The following DAB1 variants were observed in gnomAD, a reference collection of about 807,000 sequenced individuals.
DAB1 encodes the protein DAB adaptor protein 1.
Under a neutral mutation model 64.6 loss-of-function variants are expected in DAB1, and 15 were observed. The observed-to-expected ratio is 0.23, with a 90% CI of 0.16 to 0.36. The LOEUF (loss-of-function observed/expected upper bound fraction) is 0.36. Ranked by LOEUF, DAB1 falls within the 10% of genes least tolerant of loss-of-function variation. The pLI is 1.00. For missense variants in DAB1, 596 were observed against 706.7 expected, an observed-to-expected ratio of 0.84 and a Z score of 1.78; for synonymous variants, 235 against 251.9, an observed-to-expected ratio of 0.93 and a Z score of 0.64.
At chr1:57,317,086 C>T (rs1296544384) in intron 1 of DAB1, among the ~76,000 whole-genome samples, 1 of 152,192 alleles carries the variant, frequency 6.6e-6, no homozygotes, top group African/African-American at 2.4e-5. Context: ...CTGATGGAAG[C>T]CAGCTGCCAT....
Position 58,389,019 on chromosome 1 carries a change from C to T in DAB1, n.258-45616G>A, listed in dbSNP as rs1490919150. On this transcript the variant is annotated intron_variant and non_coding_transcript_variant, in intron 3 of 20. Coordinates refer to the DAB1 transcript ENST00000485760. ...AAGCAGGCAACAAACATTGATAGTG[C>T]TTTCAGTAGGGGCAGAGGACAGCCT... Among the ~76,000 whole-genome samples the T allele has an allele frequency of 2.6e-5, 4 of 152,310 alleles. No homozygotes were observed. The East Asian group carries it at 7.7e-4, about 29-fold the overall frequency.
chr1:57,401,620 TCACA>T (rs1319517651), intron 1 of DAB1, among the ~76,000 whole-genome samples: 1 of 152,200 alleles, frequency 6.6e-6, no homozygotes, highest in Admixed American at 6.5e-5. Flanking sequence ...ATGCATAAAA[TCACA>T]CAGTGAGCAG....
chr1:58,541,650 A>G (rs112704917), intron 1 of DAB1: 1 of 144,242 alleles, frequency 6.9e-6, no homozygotes. Context: ...AACCAAAAAC[A>G]AAAAACAAAA....
chr1:57,929,206 A>T (rs527457599), intron 5 of DAB1, among the ~76,000 whole-genome samples: 1 of 152,168 alleles, frequency 6.6e-6, no homozygotes, highest in Non-Finnish European at 1.5e-5. Context: ...CCATCTTTAC[A>T]TATGTGTATT....
At position 57,142,598 on chromosome 1, in the gene DAB1, TCA is replaced by T. The variant is rs149545090; in HGVS notation, c.207+2690_207+2691del. Among the ~76,000 whole-genome samples, 691 of 142,784 alleles carry T rather than the reference TCA, an allele frequency of 4.8e-3. 3 individuals are homozygous for T. Among genetic ancestry groups the T allele is most frequent in the East Asian group, 0.012 (57 of 4,764 alleles). The allele number at this position is 142,784 out of a possible 152,430, so 93.7% of individuals were successfully genotyped here. A position where few individuals can be genotyped will look rare whatever the true frequency, so the allele number is the denominator to read the frequency against. On this transcript the variant is annotated intron_variant, in intron 3 of 14. Transcript: ENST00000371236. ...GACAGATGGAGCACTTCACTGCAGG[TCA>T]CACACACACACACACACACACACAC...
chr1:57,792,668 G>A (rs1291539786), intron 6 of DAB1, among the ~76,000 whole-genome samples: 2 of 152,120 alleles, frequency 1.3e-5, no homozygotes, highest in Non-Finnish European at 2.9e-5. Context: ...CTATTCTCCT[G>A]AAACCTTATT....
downstream of DAB1, among the ~76,000 whole-genome samples, chr1:57,821,931 C>T (rs376999571): frequency 1.3e-5 from 2 of 152,158 alleles, no homozygotes; most frequent in Non-Finnish European, 2.9e-5. Flanking sequence ...TAAATTTTCA[C>T]AATTTCTGTG....
intron 5 of DAB1, among the ~76,000 whole-genome samples, chr1:57,961,571 G>C (rs1280718394): frequency 6.6e-6 from 1 of 152,166 alleles, no homozygotes; most frequent in Non-Finnish European, 1.5e-5. Context: ...ATTTATGAGG[G>C]TTGAAATGAC....
chr1:57,711,501 G>A (rs1449961780), intron 6 of DAB1, among the ~76,000 whole-genome samples: 1 of 152,224 alleles, frequency 6.6e-6, no homozygotes, highest in African/African-American at 2.4e-5. Context: ...GAGTGAAACT[G>A]CTGCTTTGCA....
At chr1:57,508,208 T>A (rs975467548) in intron 7 of DAB1, among the ~76,000 whole-genome samples, 2 of 152,206 alleles carry the variant, frequency 1.3e-5, no homozygotes, top group African/African-American at 4.8e-5. Flanking sequence ...TGGCTCCAGA[T>A]CTGCTTCAAC....
At chr1:57,232,517 C>T (rs965167940) in intron 2 of DAB1, among the ~76,000 whole-genome samples, 4 of 152,102 alleles carry the variant, frequency 2.6e-5, no homozygotes, top group Admixed American at 1.3e-4. Context: ...ATGAAACTTA[C>T]GTTCTCTAAC....
intron 5 of DAB1, among the ~76,000 whole-genome samples, chr1:57,983,551 C>A (rs960001328): frequency 4.6e-5 from 7 of 152,110 alleles, no homozygotes; most frequent in African/African-American, 9.7e-5. Flanking sequence ...GAAGCAAAAG[C>A]AAACTGAGGT....
intron 1 of DAB1, among the ~76,000 whole-genome samples, chr1:57,354,534 G>A (rs1678902760): frequency 6.6e-6 from 1 of 152,092 alleles, no homozygotes; most frequent in Admixed American, 6.6e-5. Flanking sequence ...TGGGTTGAGG[G>A]TGGGGGGTTA....
At chr1:58,289,944 G>A (rs1249994640) in intron 4 of DAB1, among the ~76,000 whole-genome samples, 1 of 152,164 alleles carries the variant, frequency 6.6e-6, no homozygotes, top group Non-Finnish European at 1.5e-5. Flanking sequence ...CAGCACAAAA[G>A]CTTTCCAACA....
At chr1:58,369,232 T>C (rs1412475592) in intron 3 of DAB1, among the ~76,000 whole-genome samples, 1 of 152,198 alleles carries the variant, frequency 6.6e-6, no homozygotes, top group Non-Finnish European at 1.5e-5. Flanking sequence ...TCCCTCTCCT[T>C]TACCAGTGTG....
chr1:58,411,584 C>G (rs1557752394), intron 3 of DAB1, among the ~76,000 whole-genome samples: 1 of 151,986 alleles, frequency 6.6e-6, no homozygotes, highest in Non-Finnish European at 1.5e-5. Flanking sequence ...GTTGTCCAAG[C>G]AAAGAGAAAG....
At chr1:58,082,702 T>C (rs1321330882) in intron 5 of DAB1, among the ~76,000 whole-genome samples, 2 of 151,988 alleles carry the variant, frequency 1.3e-5, no homozygotes, top group Non-Finnish European at 2.9e-5. Context: ...GAAGGGCATT[T>C]CAGGCAGGAG....
At chr1:57,819,862 C>CA (rs1652039850) in intron 6 of DAB1, among the ~76,000 whole-genome samples, 2 of 152,182 alleles carry the variant, frequency 1.3e-5, no homozygotes, top group South Asian at 4.1e-4. Context: ...GAAAAAAACT[C>CA]AAATTGCTGA....
intron 5 of DAB1, among the ~76,000 whole-genome samples, chr1:57,900,879 A>G (rs1372259557): frequency 6.6e-6 from 1 of 152,100 alleles, no homozygotes; most frequent in Non-Finnish European, 1.5e-5. Context: ...GGCAGGGACT[A>G]TATTTTCCAG....
Sources: gnomAD v4.1 joint callset for allele counts (sites outside exome capture counted in the v4.1 genomes callset) on GRCh38, gnomAD v4.1.1 for gene constraint, MANE v1.5 for transcripts, NCBI Gene and HGNC (gene_info 2026-07-23, HGNC 2026-07-21) for gene names.